Variants in UNC5D observed in about 807,000 individuals in gnomAD.
The protein encoded by UNC5D is unc-5 netrin receptor D.
UNC5D carries 39 observed loss-of-function variants against 105.4 expected under a neutral mutation model. The observed-to-expected ratio is 0.37, with a 90% CI of 0.29 to 0.48. The LOEUF is 0.48. UNC5D is among the 20% of genes least tolerant of loss of function. The pLI, the probability that UNC5D is intolerant of heterozygous loss-of-function variation, is 0.98. For synonymous variants in UNC5D, 452 were observed against 450.4 expected (o/e 1.00, Z -0.04); for missense variants, 991 against 1,202.4 (o/e 0.82, Z 2.60).
intron 1 of UNC5D, among the ~76,000 whole-genome samples, chr8:35,326,490 C>T (rs1585590386): frequency 6.6e-6 from 1 of 152,330 alleles, no homozygotes; most frequent in Admixed American, 6.5e-5. Flanking sequence ...CACAGTGGCT[C>T]ATGCCTGTCA....
Position 35,766,931 on chromosome 8 carries a change from T to C in UNC5D, c.2343T>C (p.Ser781=). ...TCCCGTTCTCCCGCGTGTGGTGCAGTAACCGGCAGCCCCTGCACTGTGCCT... is the reference window on the plus strand; with the variant it reads ...TCCCGTTCTCCCGCGTGTGGTGCAGCAACCGGCAGCCCCTGCACTGTGCCT... ...QEVPFSRVWC[S]NRQPLHCAFS... Residue 781 remains serine (S), a synonymous_variant, in exon 15 of 17, where the codon AGT becomes AGC. Coordinates refer to ENST00000404895, the MANE Select transcript of UNC5D (RefSeq NM_080872.4). 6.2e-7 allele frequency: 1 copy of C among 1,613,816 alleles called. No individual in the cohort carries two copies. Among genetic ancestry groups the C allele is most frequent in the Non-Finnish European group, 8.5e-7 (1 of 1,179,840 alleles).
At position 35,666,459 on chromosome 8, in the gene UNC5D, A is replaced by T. The variant is rs965771535; in HGVS notation, c.571-17088A>T. ...TGAAAATCTCATTTTCAGCAAGTTT[A>T]AAAAAAAAAAAAGTCACAAAGGCAA... On this transcript the variant is annotated intron_variant, in intron 4 of 16. Coordinates refer to ENST00000404895, the MANE Select transcript of UNC5D (RefSeq NM_080872.4). Among the ~76,000 whole-genome samples, 37 of 140,578 alleles carry T rather than the reference A, an allele frequency of 2.6e-4. No individual in the cohort carries two copies. The South Asian group carries it at 7.0e-3, about 27-fold the overall frequency. 92.2% of individuals were successfully genotyped at this position (140,578 alleles called of 152,430 possible).
intron 1 of UNC5D, among the ~76,000 whole-genome samples, chr8:35,338,183 T>C (rs1017104010): frequency 5.3e-5 from 8 of 152,144 alleles, no homozygotes; most frequent in Non-Finnish European, 1.0e-4. Flanking sequence ...TAAGTGACCA[T>C]TTAGGATGTA....
At chr8:35,787,568 A>T (rs1242720952) in intron 16 of UNC5D, among the ~76,000 whole-genome samples, 1 of 152,180 alleles carries the variant, frequency 6.6e-6, no homozygotes, top group Non-Finnish European at 1.5e-5. Flanking sequence ...ACATCTCTAC[A>T]TGACAAGGAA....
In UNC5D at chr8:35,247,631, T is replaced by A. The variant is rs1195519921; in HGVS notation, c.103+11744T>A. Among the ~76,000 whole-genome samples the A allele has an allele frequency of 1.3e-3, 99 of 76,572 alleles. 1 individual carries two copies. The South Asian group carries it at 0.031, about 24-fold the overall frequency. 50.2% of individuals were successfully genotyped at this position (76,572 alleles called of 152,430 possible). A position where few individuals can be genotyped will look rare whatever the true frequency, so the allele number is the denominator to read the frequency against. On this transcript the variant is annotated intron_variant, in intron 1 of 16. Coordinates refer to ENST00000404895, the MANE Select transcript of UNC5D (RefSeq NM_080872.4). The stretch of plus-strand genomic sequence containing the variant: ...ATATATATTATATATAAAATATATA[T>A]AATATATAAATATATATTATATATA...
chr8:35,708,404 C>T (rs763481162), intron 8 of UNC5D, among the ~76,000 whole-genome samples: 10 of 152,194 alleles, frequency 6.6e-5, no homozygotes, highest in Non-Finnish European at 1.2e-4. Context: ...TCATTTTCTG[C>T]TTCTGCACAT....
intron 1 of UNC5D, among the ~76,000 whole-genome samples, chr8:35,324,892 T>G (rs1184823526): frequency 1.3e-5 from 2 of 152,154 alleles, no homozygotes; most frequent in African/African-American, 4.8e-5. Flanking sequence ...GCCCCCTTTT[T>G]CTGGCATTGA....
Position 35,403,243 on chromosome 8 carries a change from C to CTGCA in UNC5D, c.104-146047_104-146044dup, listed in dbSNP as rs1293392180. 1.1e-4 allele frequency among the ~76,000 whole-genome samples: 16 copies of CTGCA among 152,194 alleles called. 1 individual carries two copies. The highest frequency in any genetic ancestry group is 2.7e-4 in the African/African-American group (11 of 41,442). ...TGTCACTGTGTCACATTTATAAAAGCTGCATTCAGGGCACCTCCTTAGCAA... is the reference window on the plus strand; with the variant it reads ...TGTCACTGTGTCACATTTATAAAAGCTGCATGCATTCAGGGCACCTCCTTAGCAA... On this transcript the variant is annotated intron_variant, in intron 1 of 16. Coordinates refer to ENST00000404895, the MANE Select transcript of UNC5D (RefSeq NM_080872.4).
intron 4 of UNC5D, among the ~76,000 whole-genome samples, chr8:35,614,641 T>TA (rs1820900511): frequency 6.6e-6 from 1 of 152,036 alleles, no homozygotes. Flanking sequence ...AACATTTCCA[T>TA]AAAAAAATTT....
chr8:35,683,212 C>T (rs753323146), intron 4 of UNC5D, among the ~76,000 whole-genome samples: 15 of 152,126 alleles, frequency 9.9e-5, no homozygotes, highest in Non-Finnish European at 1.6e-4. Context: ...ATTGAAATAT[C>T]ATCATCATCA....
At chr8:35,358,926 T>C (rs964122009) in intron 1 of UNC5D, among the ~76,000 whole-genome samples, 8 of 152,178 alleles carry the variant, frequency 5.3e-5, no homozygotes, top group Admixed American at 1.3e-4. Flanking sequence ...GAGTTAAGAA[T>C]TGGTATATTT....
intron 1 of UNC5D, among the ~76,000 whole-genome samples, chr8:35,509,703 T>A (rs536023843): frequency 0.011 from 1,618 of 151,552 alleles, 35 homozygotes; most frequent in African/African-American, 0.037. Context: ...TATTCGTGGG[T>A]TTTTCCCCAC....
intron 4 of UNC5D, among the ~76,000 whole-genome samples, chr8:35,601,972 A>G (rs1401473837): frequency 6.6e-6 from 1 of 152,186 alleles, no homozygotes; most frequent in African/African-American, 2.4e-5. Context: ...GATACGTCCC[A>G]TCAATACCTA....
At chr8:35,250,467 C>T (rs957241518) in intron 1 of UNC5D, among the ~76,000 whole-genome samples, 1 of 152,030 alleles carries the variant, frequency 6.6e-6, no homozygotes, top group East Asian at 1.9e-4. Flanking sequence ...TCCTGTCACC[C>T]AGATAGTAAG....
At chr8:35,721,912 C>T (rs1332967149) in intron 8 of UNC5D, among the ~76,000 whole-genome samples, 1 of 152,188 alleles carries the variant, frequency 6.6e-6, no homozygotes, top group Non-Finnish European at 1.5e-5. Flanking sequence ...GAGTTGTCTG[C>T]TCTTACTAGA....
intron 1 of UNC5D, among the ~76,000 whole-genome samples, chr8:35,354,517 A>C (rs1801442544): frequency 6.6e-6 from 1 of 151,962 alleles, no homozygotes; most frequent in African/African-American, 2.4e-5. Flanking sequence ...TGCATAATTT[A>C]TTTTGCTTAG....
chr8:35,658,686 C>G (rs781400238), intron 4 of UNC5D, among the ~76,000 whole-genome samples: 1 of 125,782 alleles, frequency 8.0e-6, no homozygotes, highest in African/African-American at 3.0e-5. Flanking sequence ...GAGTCTCACT[C>G]TGTCGCCCAG....
At chr8:35,505,056 G>A (rs185378183) in intron 1 of UNC5D, among the ~76,000 whole-genome samples, 430 of 152,228 alleles carry the variant, frequency 2.8e-3, no homozygotes, top group Non-Finnish European at 4.8e-3. Flanking sequence ...TAGCACAAAG[G>A]ATAAGTATGA....
chr8:35,254,297 A>T (rs1331241088), intron 1 of UNC5D: 2 of 152,160 alleles, frequency 1.3e-5, no homozygotes, highest in South Asian at 4.1e-4. Context: ...CACTCCCATT[A>T]TATTTGCCCA....
Sources: gnomAD v4.1 joint callset for allele counts (sites outside exome capture counted in the v4.1 genomes callset) on GRCh38, gnomAD v4.1.1 for gene constraint, MANE v1.5 for transcripts, NCBI Gene and HGNC (gene_info 2026-07-23, HGNC 2026-07-21) for gene names.